The following ACADL variants were observed in gnomAD, a reference collection of about 807,000 sequenced individuals.
ACADL encodes acyl-CoA dehydrogenase long chain.
Under a neutral mutation model 56.9 loss-of-function variants are expected in ACADL, and 60 were observed. The ratio of observed to expected loss-of-function variants is 1.05; its 90% CI spans 0.86 to 1.31. The LOEUF (loss-of-function observed/expected upper bound fraction) is 1.31. Among genes scored for constraint, ACADL ranks in the 50% most tolerant of loss-of-function variants. The probability of loss-of-function intolerance (pLI) is 0.00; values close to 1 mark genes in which losing one functional copy is unlikely to be tolerated. For missense variants in ACADL, 484 were observed against 525.5 expected (o/e 0.92, Z 0.77); for synonymous variants, 158 against 179.7 (o/e 0.88, Z 0.97).
chr2:210,210,175 T>C (rs1431621185), intron 5 of ACADL, 21 bp downstream of exon 5: 3 of 1,582,366 alleles, frequency 1.9e-6, no homozygotes, highest in Non-Finnish European at 2.6e-6. Context: ...AGAAGGGCTA[T>C]AGAAGTCCTT....
chr2:210,211,249 T>C (rs1439292124), intron 4 of ACADL, among the ~76,000 whole-genome samples: 1 of 152,226 alleles, frequency 6.6e-6, no homozygotes, highest in Non-Finnish European at 1.5e-5. Context: ...TCTTATTAGC[T>C]GAATAGAGCA....
chr2:210,195,429 G>C, intron 8 of ACADL, 91 bp from the exon 9 acceptor site: 1 of 1,358,388 alleles, frequency 7.4e-7, no homozygotes, highest in Non-Finnish European at 1.0e-6. Context: ...TACAATAAAA[G>C]ATCTTTAGGG....
intron 3 of ACADL, 161 bp downstream of exon 3, chr2:210,217,804 C>T: frequency 1.2e-6 from 1 of 838,562 alleles, no homozygotes; most frequent in Non-Finnish European, 1.8e-6. Flanking sequence ...AAAAAATGTG[C>T]AAGAGTGCAT....
At chr2:210,217,809 G>A (rs1689111709) in intron 3 of ACADL, 156 bp downstream of exon 3, 4 of 910,686 alleles carry the variant, frequency 4.4e-6, no homozygotes, top group Non-Finnish European at 6.8e-6. Flanking sequence ...ATGTGCAAGA[G>A]TGCATGAGCG....
chr2:210,217,444 TA>T, intron 3 of ACADL: 1 of 154,868 alleles, frequency 6.5e-6, no homozygotes, highest in Admixed American at 6.4e-5. Flanking sequence ...TCATTTTCAC[TA>T]ATTTTATAGA....
intron 8 of ACADL, among the ~76,000 whole-genome samples, chr2:210,201,803 A>T (rs751252445): frequency 3.3e-5 from 5 of 152,202 alleles, no homozygotes; most frequent in Admixed American, 1.3e-4. Context: ...AAATTTAATT[A>T]GCATATTTAG....
At position 210,205,773 on chromosome 2, in the gene ACADL, TA is replaced by T. The variant is rs763251535; in HGVS notation, c.626del (p.Leu209Ter). On this transcript the variant is annotated frameshift_variant, in exon 6 of 11. Transcript: ENST00000233710. LOFTEE classifies it high-confidence loss of function. ...CCGCAACTACAATCACAACATCACT[TA>T]ATGACCCATTACTGATGAACACCTG... is the stretch of plus-strand genomic sequence containing the variant. ...GSKVFISNGS[L>X]SDVVIVVAVT... 2.5e-4 allele frequency: 401 copies of T among 1,614,024 alleles called. 3 individuals are homozygous for T. The Middle Eastern group carries it at 0.013, about 51-fold the overall frequency.
chr2:210,205,351 T>G (rs886794772), intron 6 of ACADL, among the ~76,000 whole-genome samples: 18 of 152,304 alleles, frequency 1.2e-4, no homozygotes, highest in East Asian at 1.2e-3. Context: ...TTCATATTTT[T>G]CTTTAATGCA....
intron 8 of ACADL, among the ~76,000 whole-genome samples, chr2:210,200,411 C>A (rs1266503778): frequency 6.6e-6 from 1 of 152,184 alleles, no homozygotes; most frequent in East Asian, 1.9e-4. Flanking sequence ...GGGCACTATA[C>A]AAGTTATACC....
At chr2:210,219,538 A>G (rs928234855) in intron 2 of ACADL, among the ~76,000 whole-genome samples, 2 of 152,200 alleles carry the variant, frequency 1.3e-5, no homozygotes, top group African/African-American at 4.8e-5. Flanking sequence ...ACCGAAGACT[A>G]GTCATGGCTT....
intron 4 of ACADL, among the ~76,000 whole-genome samples, chr2:210,214,509 A>AAGAAAGAAAGAAAGAAAGAAAG (rs1553690970): frequency 2.7e-3 from 52 of 18,922 alleles, no homozygotes; most frequent in African/African-American, 4.0e-3. Flanking sequence ...GAAAGAAAGA[A>AAGAAAGAAAGAAAGAAAGAAAG]AAAGAAAGAA....
intron 5 of ACADL, among the ~76,000 whole-genome samples, chr2:210,208,105 T>G (rs1424200807): frequency 1.3e-5 from 2 of 152,204 alleles, no homozygotes; most frequent in East Asian, 3.8e-4. Context: ...ACAGTTGAAA[T>G]GCTATGAGTG....
intron 4 of ACADL, 36 bp from the exon 5 acceptor site, chr2:210,210,298 T>C (rs1055475001): frequency 3.5e-6 from 5 of 1,446,202 alleles, no homozygotes; most frequent in Non-Finnish European, 4.9e-6. Context: ...ATTCATCAAA[T>C]GATAAAAATT....
intron 4 of ACADL, among the ~76,000 whole-genome samples, chr2:210,211,125 T>G (rs769603745): frequency 6.6e-6 from 1 of 152,214 alleles, no homozygotes. Context: ...ATGAACATTT[T>G]AAAGGTATAT....
intron 4 of ACADL, among the ~76,000 whole-genome samples, chr2:210,211,964 G>T (rs1201206198): frequency 6.6e-6 from 1 of 151,778 alleles, no homozygotes; most frequent in Non-Finnish European, 1.5e-5. Context: ...CCCAGTATCT[G>T]GGATTACAGG....
At position 210,192,825 on chromosome 2, in the gene ACADL, A is replaced by G. The variant is rs1188053086; in HGVS notation, c.1178T>C (p.Met393Thr). ...CVQLHGGWGY[M>T]WEYPIAKAYV... ...TTACTTTGCAATTGGGTACTCCCAC[A>G]TGTATCCCCAACCTCCATGGAGCTG... is the stretch of plus-strand genomic sequence containing the variant. The change falls in exon 10 of 11, where the codon ATG becomes ACG. Residue 393 changes from methionine to threonine, a missense_variant. Met to Thr is a moderately conservative substitution (Grantham distance 81). Transcript: ENST00000233710. The G allele has an allele frequency of 6.2e-7, 1 of 1,613,704 alleles. No homozygotes were observed. Among genetic ancestry groups the G allele is most frequent in the Admixed American group, 1.7e-5 (1 of 60,016 alleles).
At chr2:210,207,971 T>C (rs750667173) in intron 5 of ACADL, among the ~76,000 whole-genome samples, 28 of 152,204 alleles carry the variant, frequency 1.8e-4, no homozygotes, top group Non-Finnish European at 3.8e-4. Flanking sequence ...AAAAATTCTA[T>C]ACAACTTGGC....
rs1196632775 is a variant in ACADL at position 210,210,224 on chromosome 2, C to A, written c.575G>T (p.Gly192Val). 6.2e-7 allele frequency: 1 copy of A among 1,612,698 alleles called. No homozygotes were observed. The highest frequency in any genetic ancestry group is 8.5e-7 in the Non-Finnish European group (1 of 1,179,164). Residue 192 changes from glycine to valine, a missense_variant, in exon 5 of 11, where the codon GGA (glycine) becomes GTA (valine). Transcript: ENST00000233710. ...QGIKTNAKKD[G>V]SDWILNGSKV... ...GCTTCCATTGAGAATCCAGTCACTT[C>A]CATCCTTTTTAGCATTTGTTTTTAT...
intron 9 of ACADL, among the ~76,000 whole-genome samples, chr2:210,194,753 GATGGAAT>G (rs1280070231): frequency 6.6e-6 from 1 of 152,088 alleles, no homozygotes; most frequent in Admixed American, 6.6e-5. Context: ...CATTTTCCTG[GATGGAAT>G]TAAGTTTAAT....
Sources: allele counts gnomAD v4.1 joint callset (sites outside exome capture counted in the v4.1 genomes callset), GRCh38; gene constraint gnomAD v4.1.1; transcripts MANE v1.5; gene names NCBI Gene and HGNC (gene_info 2026-07-23, HGNC 2026-07-21).